The following EYS variants were observed in gnomAD, a reference collection of about 807,000 sequenced individuals.
EYS encodes the protein EGF-like photoreceptor maintenance factor.
Under a neutral mutation model 282.1 loss-of-function variants are expected in EYS, and 250 were observed. The observed-to-expected ratio is 0.89, with a 90% CI of 0.80 to 0.98. The LOEUF (loss-of-function observed/expected upper bound fraction) is 0.98, where lower values mean the gene tolerates loss of function less well. Ranked by LOEUF, EYS falls within the 50% of genes least tolerant of loss-of-function variation. The pLI is 0.00. For synonymous variants in EYS, 1,355 were observed against 1,282.9 expected (o/e 1.06, Z -1.20); for missense variants, 4,016 against 3,709.0 (o/e 1.08, Z -2.15).
intron 12 of EYS, among the ~76,000 whole-genome samples, chr6:65,128,465 C>A (rs1212793607): frequency 1.3e-5 from 2 of 151,978 alleles, no homozygotes; most frequent in East Asian, 1.9e-4. Context: ...AACTGATAGA[C>A]AACTTCAGTA....
At chr6:64,454,328 GTTC>G (rs777780403) in intron 26 of EYS, among the ~76,000 whole-genome samples, 3 of 151,952 alleles carry the variant, frequency 2.0e-5, no homozygotes, top group East Asian at 1.9e-4. Context: ...TCTGCATATT[GTTC>G]TTCTTCTTCA....
At chr6:65,417,689 C>A (rs938833207) in intron 5 of EYS, among the ~76,000 whole-genome samples, 3 of 151,936 alleles carry the variant, frequency 2.0e-5, no homozygotes, top group Non-Finnish European at 4.4e-5. Context: ...TTTAATAAAC[C>A]ACACAGTGCT....
At chr6:64,440,625 A>G (rs1774908554) in intron 26 of EYS, among the ~76,000 whole-genome samples, 1 of 152,064 alleles carries the variant, frequency 6.6e-6, no homozygotes, top group Non-Finnish European at 1.5e-5. Flanking sequence ...GTAGCGTTTC[A>G]ATGGTGATGT....
intron 31 of EYS, among the ~76,000 whole-genome samples, chr6:64,143,007 A>G (rs1774389137): frequency 6.6e-6 from 1 of 152,200 alleles, no homozygotes; most frequent in Non-Finnish European, 1.5e-5. Context: ...AAAAAGTGAG[A>G]AAGCCATGAA....
intron 31 of EYS, among the ~76,000 whole-genome samples, chr6:64,118,614 ATTTG>A (rs1252909413): frequency 6.6e-5 from 10 of 152,142 alleles, no homozygotes; most frequent in African/African-American, 2.4e-4. Context: ...ACTTCAGAAC[ATTTG>A]TTTGGGCAAA....
chr6:64,108,378 C>T (rs1236476084), intron 31 of EYS, among the ~76,000 whole-genome samples: 2 of 151,990 alleles, frequency 1.3e-5, no homozygotes, highest in Non-Finnish European at 2.9e-5. Flanking sequence ...TGCCTTGTGA[C>T]ATTACTTCTC....
At chr6:64,855,113 TA>T (rs1242231349) in intron 19 of EYS, among the ~76,000 whole-genome samples, 6 of 152,062 alleles carry the variant, frequency 3.9e-5, no homozygotes, top group Non-Finnish European at 1.5e-5. Flanking sequence ...GCATCAGTTT[TA>T]CTATTTTTAT....
intron 31 of EYS, among the ~76,000 whole-genome samples, chr6:64,193,483 T>C (rs1765180482): frequency 6.6e-6 from 1 of 151,978 alleles, no homozygotes; most frequent in South Asian, 2.1e-4. Context: ...GCTAATCTTT[T>C]TTTTTCCTGG....
Position 65,223,681 on chromosome 6 carries a change from C to CA in EYS, c.2023+72181dup, listed in dbSNP as rs565296689. ...GAACAGCACCTTATATCACATTTGG[C>CA]AAAAGCATTTATAGCAAAGTACACT... On this transcript the variant is annotated intron_variant, in intron 12 of 42. Coordinates refer to ENST00000503581, the MANE Select transcript of EYS (RefSeq NM_001142800.2). Among the ~76,000 whole-genome samples the CA allele has an allele frequency of 2.1e-3, 326 of 152,196 alleles. 4 individuals carry two copies. The highest frequency in any genetic ancestry group is 7.5e-3 in the African/African-American group (310 of 41,520).
chr6:64,879,079 T>C (rs1033355472), intron 19 of EYS, among the ~76,000 whole-genome samples: 3 of 152,198 alleles, frequency 2.0e-5, no homozygotes, highest in African/African-American at 7.2e-5. Flanking sequence ...GTTGCCCTTT[T>C]AGCAATTTGT....
At chr6:64,919,644 A>G (rs1768276519) in intron 15 of EYS, among the ~76,000 whole-genome samples, 1 of 152,010 alleles carries the variant, frequency 6.6e-6, no homozygotes, top group African/African-American at 2.4e-5. Context: ...TATTTTTCAT[A>G]CATTTTGATG....
At chr6:64,588,310 T>A (rs1328467001) in intron 26 of EYS, among the ~76,000 whole-genome samples, 1 of 152,070 alleles carries the variant, frequency 6.6e-6, no homozygotes, top group African/African-American at 2.4e-5. Context: ...AATGTAGGAC[T>A]CTAATACATC....
At chr6:65,166,474 A>C (rs1389780484) in intron 12 of EYS, among the ~76,000 whole-genome samples, 1 of 151,218 alleles carries the variant, frequency 6.6e-6, no homozygotes, top group East Asian at 2.0e-4. Context: ...AAGATGATTC[A>C]ATAAGCATAG....
chr6:64,840,408 A>G (rs559677232), intron 19 of EYS, among the ~76,000 whole-genome samples: 1 of 152,176 alleles, frequency 6.6e-6, no homozygotes, highest in Non-Finnish European at 1.5e-5. Context: ...GAAAATCAAT[A>G]ATAAAAGATA....
intron 35 of EYS, among the ~76,000 whole-genome samples, chr6:63,897,001 T>A (rs1226323675): frequency 6.6e-6 from 1 of 152,246 alleles, no homozygotes; most frequent in East Asian, 1.9e-4. Flanking sequence ...ATTGCTTAGT[T>A]ATTTTTCATA....
intron 12 of EYS, among the ~76,000 whole-genome samples, chr6:65,252,966 A>C (rs552798692): frequency 6.6e-6 from 1 of 152,060 alleles, no homozygotes; most frequent in East Asian, 1.9e-4. Flanking sequence ...TTAGACAATA[A>C]AATTTCTAGC....
At chr6:63,875,858 C>G (rs1168740188) in intron 35 of EYS, among the ~76,000 whole-genome samples, 1 of 152,034 alleles carries the variant, frequency 6.6e-6, no homozygotes, top group Non-Finnish European at 1.5e-5. Context: ...TGATTCTTCT[C>G]TCTTTTCTTC....
chr6:65,384,775 A>C (rs1269082256), intron 7 of EYS, among the ~76,000 whole-genome samples: 1 of 150,772 alleles, frequency 6.6e-6, no homozygotes, highest in Non-Finnish European at 1.5e-5. Flanking sequence ...TTAACAATAC[A>C]GTATATGTTT....
Position 64,678,306 on chromosome 6 carries a change from G to A in EYS, c.3444-52061C>T, listed in dbSNP as rs140850662. On this transcript the variant is annotated intron_variant, in intron 22 of 42. Transcript: ENST00000503581. ...AAATCATTGAGAATACGCCAGGTGC[G>A]GTGGCTCACACCTGTAATCCCAGCA... 6.4e-4 allele frequency among the ~76,000 whole-genome samples: 97 copies of A among 152,318 alleles called. No homozygotes were observed. The East Asian group carries it at 7.4e-3, about 12-fold the overall frequency.
Sources: allele counts gnomAD v4.1 joint callset (sites outside exome capture counted in the v4.1 genomes callset), GRCh38; gene constraint gnomAD v4.1.1; transcripts MANE v1.5; gene names NCBI Gene and HGNC (gene_info 2026-07-23, HGNC 2026-07-21).